PRMT8: variants seen among roughly 807,000 people sequenced by gnomAD.
PRMT8 encodes the protein protein arginine N-methyltransferase 8.
PRMT8 carries 7 observed loss-of-function variants against 47.1 expected under a neutral mutation model. The observed-to-expected ratio is 0.15, with a 90% CI of 0.08 to 0.28. The LOEUF (loss-of-function observed/expected upper bound fraction) is 0.28. Ranked by LOEUF, PRMT8 falls within the 10% of genes least tolerant of loss-of-function variation. PRMT8 has a pLI of 1.00. For missense variants in PRMT8, 237 were observed against 505.4 expected (o/e 0.47, Z 5.09); for synonymous variants, 188 against 186.5 (o/e 1.01, Z -0.07).
chr12:3,568,064 C>T (rs1317915915), intron 4 of PRMT8, among the ~76,000 whole-genome samples: 2 of 143,112 alleles, frequency 1.4e-5, no homozygotes, highest in East Asian at 4.3e-4. Context: ...AAGAGTGAAA[C>T]TCCGTCTCAA....
chr12:3,473,787 C>T (rs1360111259), intron 1 of PRMT8, among the ~76,000 whole-genome samples: 1 of 152,176 alleles, frequency 6.6e-6, no homozygotes, highest in Non-Finnish European at 1.5e-5. Flanking sequence ...AATAAATCAT[C>T]CCATGAGCCC....
At chr12:3,506,383 C>T (rs977768121) in intron 1 of PRMT8, among the ~76,000 whole-genome samples, 4 of 152,104 alleles carry the variant, frequency 2.6e-5, no homozygotes, top group East Asian at 1.9e-4. Flanking sequence ...AGTGTGGAAT[C>T]GGCACTGGAA....
At chr12:3,455,350 T>C (rs1591554781) in intron 1 of PRMT8, among the ~76,000 whole-genome samples, 1 of 151,698 alleles carries the variant, frequency 6.6e-6, no homozygotes, top group African/African-American at 2.4e-5. Context: ...TGAGGGGAGG[T>C]GCCTTCTAGC....
rs61907697 is a variant in PRMT8, at chr12:3,546,096, C to G, written c.262-3840C>G. ...AGTAGGCAGCACTCTGCTAAATAGC[C>G]CATGGGTCACAGAAGAAGTCACAGA... On this transcript the variant is annotated intron_variant, in intron 2 of 9. Transcript: ENST00000382622. Among the ~76,000 whole-genome samples the G allele has an allele frequency of 6.2e-3, 938 of 152,218 alleles. 5 individuals carry two copies. Among genetic ancestry groups the G allele is most frequent in the Non-Finnish European group, 9.5e-3 (648 of 68,024 alleles).
upstream of PRMT8, among the ~76,000 whole-genome samples, chr12:3,490,719 GAA>G (rs1491117642): frequency 2.0e-4 from 29 of 143,620 alleles, no homozygotes; most frequent in African/African-American, 5.8e-4. Flanking sequence ...GAGAGAGAGA[GAA>G]AAGGATAAAG....
intron 1 of PRMT8, among the ~76,000 whole-genome samples, chr12:3,495,469 A>C (rs2137116150): frequency 6.6e-6 from 1 of 152,274 alleles, no homozygotes; most frequent in South Asian, 2.1e-4. Flanking sequence ...TCTGGAAAAC[A>C]ATCTTTTTCA....
upstream of PRMT8, among the ~76,000 whole-genome samples, chr12:3,489,777 G>A (rs918585652): frequency 6.6e-6 from 1 of 151,584 alleles, no homozygotes; most frequent in Non-Finnish European, 1.5e-5. Context: ...AAAGGTTAAG[G>A]AGGTTAAGGT....
chr12:3,486,034 G>A (rs1865319941), intron 1 of PRMT8, among the ~76,000 whole-genome samples: 1 of 152,200 alleles, frequency 6.6e-6, no homozygotes, highest in South Asian at 2.1e-4. Context: ...TAAGGCAGAT[G>A]ACAATGTGTT....
At chr12:3,440,568 A>G (rs1191841695) in intron 1 of PRMT8, among the ~76,000 whole-genome samples, 2 of 152,078 alleles carry the variant, frequency 1.3e-5, no homozygotes, top group African/African-American at 4.8e-5. Context: ...CATCACAGCT[A>G]TGTTACTGGG....
chr12:3,430,408 C>A (rs372176296), intron 1 of PRMT8, among the ~76,000 whole-genome samples: 23 of 152,256 alleles, frequency 1.5e-4, no homozygotes, highest in African/African-American at 5.3e-4. Context: ...GGGCATAAGA[C>A]AATATGAGGG....
chr12:3,402,534 A>G (rs1167742472), intron 1 of PRMT8, among the ~76,000 whole-genome samples: 3 of 152,248 alleles, frequency 2.0e-5, no homozygotes, highest in Admixed American at 1.3e-4. Flanking sequence ...GTGAACAGAC[A>G]TCCTACAGAA....
chr12:3,506,230 A>C (rs971222241), intron 1 of PRMT8, among the ~76,000 whole-genome samples: 1 of 152,202 alleles, frequency 6.6e-6, no homozygotes, highest in African/African-American at 2.4e-5. Flanking sequence ...TAGGGTTATC[A>C]TAGGGACTAA....
chr12:3,422,847 T>C (rs1306442280), intron 1 of PRMT8, among the ~76,000 whole-genome samples: 2 of 152,194 alleles, frequency 1.3e-5, no homozygotes, highest in Admixed American at 1.3e-4. Flanking sequence ...TCCCTTATTC[T>C]CTCCCTTTGA....
upstream of PRMT8, among the ~76,000 whole-genome samples, chr12:3,488,327 G>A (rs1300913404): frequency 6.6e-6 from 1 of 152,106 alleles, no homozygotes; most frequent in Non-Finnish European, 1.5e-5. Flanking sequence ...CATGAGATAG[G>A]CATTGTTCTA....
At chr12:3,506,755 G>C (rs552112842) in intron 1 of PRMT8, among the ~76,000 whole-genome samples, 12 of 152,258 alleles carry the variant, frequency 7.9e-5, no homozygotes, top group African/African-American at 2.9e-4. Context: ...GCTGTCTCAG[G>C]CTTCTCTCAG....
intron 1 of PRMT8, among the ~76,000 whole-genome samples, chr12:3,521,686 C>A (rs1865883594): frequency 6.6e-6 from 1 of 152,130 alleles, no homozygotes. Flanking sequence ...GGTCAGAAAA[C>A]AAACTACTGG....
At chr12:3,461,233 A>C (rs916562009) in intron 1 of PRMT8, among the ~76,000 whole-genome samples, 1 of 152,174 alleles carries the variant, frequency 6.6e-6, no homozygotes, top group Non-Finnish European at 1.5e-5. Context: ...CTCTTTGTAG[A>C]TTATCTGGGG....
chr12:3,577,230 G>A (rs556433003), intron 7 of PRMT8, among the ~76,000 whole-genome samples: 3 of 152,218 alleles, frequency 2.0e-5, no homozygotes, highest in East Asian at 1.9e-4. Flanking sequence ...CCCTGGTGGC[G>A]TGCAGAAGGG....
intron 2 of PRMT8, among the ~76,000 whole-genome samples, chr12:3,547,802 A>G (rs1443798423): frequency 6.6e-6 from 1 of 152,256 alleles, no homozygotes. Flanking sequence ...TTCTTGGATT[A>G]TAAAACTCAA....
Sources: allele counts gnomAD v4.1 joint callset (sites outside exome capture counted in the v4.1 genomes callset), GRCh38; gene constraint gnomAD v4.1.1; transcripts MANE v1.5; gene names NCBI Gene and HGNC (gene_info 2026-07-23, HGNC 2026-07-21).